Variants in PPARD observed in about 807,000 individuals in gnomAD.
PPARD encodes peroxisome proliferator-activated receptor delta.
Under a neutral mutation model 39.5 loss-of-function variants are expected in PPARD, and 6 were observed. The ratio of observed to expected loss-of-function variants is 0.15; its 90% CI spans 0.08 to 0.30. The LOEUF is 0.30. Among genes scored for constraint, PPARD ranks in the 10% least tolerant of loss-of-function variants. PPARD has a pLI of 1.00. For missense variants in PPARD, 397 were observed against 596.8 expected (o/e 0.67, Z 3.49); for synonymous variants, 210 against 231.3 (o/e 0.91, Z 0.83).
intron 3 of PPARD, among the ~76,000 whole-genome samples, chr6:35,414,567 G>A (rs1328393171): frequency 6.6e-6 from 1 of 152,182 alleles, no homozygotes; most frequent in Non-Finnish European, 1.5e-5. Flanking sequence ...GTCTGTCACT[G>A]TGAGCTGTAG....
chr6:35,376,205 C>T (rs1762805894), intron 2 of PPARD, among the ~76,000 whole-genome samples: 2 of 152,188 alleles, frequency 1.3e-5, no homozygotes, highest in South Asian at 4.1e-4. Context: ...TAATGTTAAT[C>T]TCTTACATTT....
intron 5 of PPARD, 39 bp downstream of exon 5, chr6:35,421,997 C>T (rs1223279122): frequency 1.9e-6 from 3 of 1,567,084 alleles, no homozygotes; most frequent in East Asian, 2.3e-5. Context: ...CTGCTGGCTC[C>T]ACACAGCCTG....
intron 2 of PPARD, among the ~76,000 whole-genome samples, chr6:35,352,085 T>G (rs1430880676): frequency 6.6e-6 from 1 of 151,778 alleles, no homozygotes; most frequent in African/African-American, 2.4e-5. Flanking sequence ...TCCAGGCTGG[T>G]CTCAAACTCC....
chr6:35,379,409 G>A (rs535381025), intron 2 of PPARD, among the ~76,000 whole-genome samples: 1 of 152,266 alleles, frequency 6.6e-6, no homozygotes, highest in Admixed American at 6.5e-5. Flanking sequence ...GCTTGCAGTA[G>A]GCATCTTTGC....
Position 35,421,911 on chromosome 6 carries a change from A to G in PPARD, c.377A>G (p.Gln126Arg). 6.2e-7 allele frequency: 1 copy of G among 1,614,022 alleles called. No homozygotes were observed. ...KIQKKNRNKCQYCRFQKCLAL... is the reference protein window; with the variant it reads ...KIQKKNRNKCRYCRFQKCLAL... Reference sequence around the variant, plus strand: ...CAGAAGAAGAACCGCAACAAGTGCCAGTACTGCCGCTTCCAGAAGTGCCTG... The same window carrying G: ...CAGAAGAAGAACCGCAACAAGTGCCGGTACTGCCGCTTCCAGAAGTGCCTG... The change falls in exon 5 of 8, where the codon CAG becomes CGG. Residue 126 changes from glutamine to arginine, a missense_variant. Physicochemically the swap from Gln to Arg is conservative, Grantham distance 43 (BLOSUM62 1). Coordinates refer to ENST00000360694, the MANE Select transcript of PPARD (RefSeq NM_006238.5).
At chr6:35,388,317 G>A (rs1276759363) in intron 2 of PPARD, among the ~76,000 whole-genome samples, 1 of 152,194 alleles carries the variant, frequency 6.6e-6, no homozygotes, top group East Asian at 1.9e-4. Context: ...GAGAACATGA[G>A]AGGCAGCATC....
chr6:35,416,269 G>T (rs936931656), intron 3 of PPARD, among the ~76,000 whole-genome samples: 1 of 149,890 alleles, frequency 6.7e-6, no homozygotes, highest in African/African-American at 2.5e-5. Context: ...AGCTACTCGG[G>T]GGGCTGAGGC....
At chr6:35,389,091 T>C (rs1005830914) in intron 2 of PPARD, among the ~76,000 whole-genome samples, 3 of 152,186 alleles carry the variant, frequency 2.0e-5, no homozygotes, top group African/African-American at 7.2e-5. Flanking sequence ...GGTGGGAGGA[T>C]AGCTTGAGCC....
chr6:35,428,102 C>T lies in PPARD; in HGVS notation c.*2023C>T, dbSNP rs201932310. The T allele has an allele frequency of 1.6e-4, 25 of 152,772 alleles. No individual in the cohort carries two copies. Among genetic ancestry groups the T allele is most frequent in the Non-Finnish European group, 1.5e-5 (1 of 68,040 alleles). The allele number at this position is 152,772 out of a possible 1,614,324, so 9.5% of individuals were successfully genotyped here. On this transcript the variant is annotated 3_prime_UTR_variant, in exon 8 of 8. Coordinates refer to ENST00000360694, the MANE Select transcript of PPARD (RefSeq NM_006238.5). Reference sequence around the variant, plus strand: ...GAAATGTATATTTTTGCTAGGAGCCCCAGCTTCCTGTGTTTTTAATATAAA... The same window carrying T: ...GAAATGTATATTTTTGCTAGGAGCCTCAGCTTCCTGTGTTTTTAATATAAA...
intron 2 of PPARD, among the ~76,000 whole-genome samples, chr6:35,391,099 G>A (rs1763975967): frequency 6.6e-6 from 1 of 152,152 alleles, no homozygotes; most frequent in African/African-American, 2.4e-5. Context: ...TGTGATATAT[G>A]ATTGTATATA....
intron 2 of PPARD, 77 bp downstream of exon 2, chr6:35,347,227 G>A: frequency 6.7e-7 from 1 of 1,493,528 alleles, no homozygotes; most frequent in East Asian, 2.5e-5. Context: ...TGACCTTGAA[G>A]ATGAAATAAT....
intron 2 of PPARD, among the ~76,000 whole-genome samples, chr6:35,360,671 G>A (rs1017860148): frequency 3.3e-5 from 5 of 152,248 alleles, no homozygotes; most frequent in African/African-American, 1.2e-4. Flanking sequence ...AAGGGAGCCA[G>A]GGCTCTTGGT....
chr6:35,425,501 C>T lies in PPARD; in HGVS notation c.1079-331C>T. ...CCTGTGCAGGAAGAATGTTTTGTGTCTCCATTTTACACATCAGAGAGGCTG... is the reference window on the plus strand; with the variant it reads ...CCTGTGCAGGAAGAATGTTTTGTGTTTCCATTTTACACATCAGAGAGGCTG... On this transcript the variant is annotated intron_variant, in intron 7 of 7. Transcript: ENST00000360694. This position sits in a 1 kb window ranked among gnomAD's most constrained non-coding sequence, Gnocchi z 4.5. 1 of 982,624 alleles carries T rather than the reference C, an allele frequency of 1.0e-6. No individual in the cohort carries two copies. Among genetic ancestry groups the T allele is most frequent in the African/African-American group, 1.6e-5 (1 of 60,624 alleles). The allele number at this position is 982,624 out of a possible 1,614,324, so 60.9% of individuals were successfully genotyped here.
In PPARD at chr6:35,425,238, C is replaced by CTA. The variant is rs1255441385; in HGVS notation, c.1078+459_1078+460insTA. The CTA allele has an allele frequency of 2.1e-5, 21 of 994,182 alleles. No homozygotes were observed. Among genetic ancestry groups the CTA allele is most frequent in the Admixed American group, 1.0e-4 (2 of 19,346 alleles). 61.6% of individuals were successfully genotyped at this position (994,182 alleles called of 1,614,324 possible). A position where few individuals can be genotyped will look rare whatever the true frequency, so the allele number is the denominator to read the frequency against. On this transcript the variant is annotated intron_variant, in intron 7 of 7. Transcript: ENST00000360694. The surrounding 1 kb of genome is among the most constrained non-coding windows in gnomAD (Gnocchi z 4.5). ...GCAGTGAGCCAAAATCCCACCACTG[C>CTA]ACTCCAGCCTGGGTGACAGAGTGAG...
chr6:35,354,147 GC>G (rs1293659855), intron 2 of PPARD, among the ~76,000 whole-genome samples: 1 of 147,692 alleles, frequency 6.8e-6, no homozygotes, highest in East Asian at 2.0e-4. Context: ...CAGGAGAATG[GC>G]ATGAACCCGG....
intron 2 of PPARD, among the ~76,000 whole-genome samples, chr6:35,367,644 A>T (rs1011795817): frequency 3.9e-5 from 6 of 152,234 alleles, no homozygotes; most frequent in African/African-American, 1.4e-4. Context: ...TTGGGTCCAG[A>T]TGCTTGGTTC....
chr6:35,351,522 AT>A (rs1185093633), intron 2 of PPARD, among the ~76,000 whole-genome samples: 1 of 151,886 alleles, frequency 6.6e-6, no homozygotes, highest in Non-Finnish European at 1.5e-5. Flanking sequence ...TGAAAGTTTG[AT>A]TTTTATCATT....
rs1762231401 is a variant in PPARD, at chr6:35,366,842, A to G, written c.-102+19692A>G. On this transcript the variant is annotated intron_variant, in intron 2 of 7. Coordinates refer to ENST00000360694, the MANE Select transcript of PPARD (RefSeq NM_006238.5). This position sits in a 1 kb window ranked among gnomAD's most constrained non-coding sequence, Gnocchi z 4.6. ...TGGGATTATGGGCGTGAGCCGCTGC[A>G]TCCGGCCTCTGTATTAAATACTTTA... Among the ~76,000 whole-genome samples the G allele has an allele frequency of 2.6e-5, 4 of 152,256 alleles. No individual in the cohort carries two copies. The highest frequency in any genetic ancestry group is 2.6e-4 in the Admixed American group (4 of 15,284).
intron 2 of PPARD, among the ~76,000 whole-genome samples, chr6:35,347,649 C>A (rs549952701): frequency 6.6e-6 from 1 of 152,052 alleles, no homozygotes; most frequent in Non-Finnish European, 1.5e-5. Flanking sequence ...GCTCTTGTCC[C>A]CCAGACTGGA....
Sources: gnomAD v4.1 joint callset for allele counts (sites outside exome capture counted in the v4.1 genomes callset) on GRCh38, gnomAD v4.1.1 for gene constraint, Gnocchi (gnomAD v3.1) non-coding constraint, MANE v1.5 for transcripts, NCBI Gene and HGNC (gene_info 2026-07-23, HGNC 2026-07-21) for gene names.